The following DLG2 variants were observed in gnomAD, a reference collection of about 807,000 sequenced individuals.
The protein encoded by DLG2 is disks large homolog 2.
Under a neutral mutation model 132.5 loss-of-function variants are expected in DLG2, and 45 were observed. The observed-to-expected ratio is 0.34, with a 90% confidence interval of 0.27 to 0.44. The LOEUF is 0.44. Among genes scored for constraint, DLG2 ranks in the 20% least tolerant of loss-of-function variants. DLG2 has a pLI of 1.00. For synonymous variants in DLG2, 424 were observed against 419.6 expected (o/e 1.01, Z -0.13); for missense variants, 1,045 against 1,196.9 (o/e 0.87, Z 1.87).
chr11:83,778,606 T>C (rs949051246), intron 18 of DLG2, among the ~76,000 whole-genome samples: 15 of 152,130 alleles, frequency 9.9e-5, no homozygotes, highest in Admixed American at 2.6e-4. Context: ...TTTAACCCCT[T>C]TGATATGAGT....
chr11:84,742,540 C>G (rs541436113), intron 6 of DLG2, among the ~76,000 whole-genome samples: 2 of 152,150 alleles, frequency 1.3e-5, no homozygotes, highest in Non-Finnish European at 2.9e-5. Context: ...GAGAAAGGTA[C>G]AGAGATATCC....
chr11:83,984,513 T>G (rs2093087753), intron 11 of DLG2, among the ~76,000 whole-genome samples: 1 of 152,132 alleles, frequency 6.6e-6, no homozygotes, highest in African/African-American at 2.4e-5. Flanking sequence ...CATTGAGAAT[T>G]TATGTTTATT....
intron 15 of DLG2, among the ~76,000 whole-genome samples, chr11:83,880,337 T>C (rs981003863): frequency 6.6e-6 from 1 of 152,128 alleles, no homozygotes; most frequent in Non-Finnish European, 1.5e-5. Context: ...GTGAAGAATA[T>C]TAATAAATGC....
intron 6 of DLG2, among the ~76,000 whole-genome samples, chr11:84,595,391 G>T (rs117555391): frequency 4.0e-5 from 6 of 151,784 alleles, no homozygotes; most frequent in Non-Finnish European, 8.8e-5. Flanking sequence ...GAGATTACAG[G>T]CATGAGCCAC....
intron 5 of DLG2, among the ~76,000 whole-genome samples, chr11:85,128,173 C>T (rs1304805810): frequency 6.6e-6 from 1 of 152,060 alleles, no homozygotes; most frequent in African/African-American, 2.4e-5. Context: ...CCTTTATTAA[C>T]AAATTATAGC....
chr11:85,482,526 G>C (rs72953934), intron 3 of DLG2, among the ~76,000 whole-genome samples: 1 of 152,076 alleles, frequency 6.6e-6, no homozygotes, highest in South Asian at 2.1e-4. Context: ...ACTCAATCTG[G>C]TTCCTTGTCC....
chr11:85,452,242 GT>G (rs34009765), intron 3 of DLG2: 1,565 of 145,784 alleles, frequency 0.011, 20 homozygotes, highest in African/African-American at 0.034. Flanking sequence ...ACAGGTAGTT[GT>G]TTTTTTTTTT....
chr11:84,081,802 A>G (rs1027673526), intron 10 of DLG2, among the ~76,000 whole-genome samples: 2 of 152,238 alleles, frequency 1.3e-5, no homozygotes, highest in Non-Finnish European at 2.9e-5. Flanking sequence ...TCTTTATAGT[A>G]GCATGATTTA....
intron 7 of DLG2, among the ~76,000 whole-genome samples, chr11:84,410,977 T>C (rs1044253267): frequency 4.6e-5 from 7 of 152,332 alleles, no homozygotes; most frequent in African/African-American, 1.4e-4. Context: ...TTCCTGTTCA[T>C]TGTGCTTTAA....
chr11:84,811,128 AG>A (rs1359781976), intron 6 of DLG2, among the ~76,000 whole-genome samples: 3 of 152,196 alleles, frequency 2.0e-5, no homozygotes, highest in Non-Finnish European at 4.4e-5. Context: ...GTGAATGTAT[AG>A]GTATCTCAAA....
rs746460630 is a variant in DLG2 at position 84,017,958 on chromosome 11, G to A, written c.920-37316C>T. 2.0e-5 allele frequency among the ~76,000 whole-genome samples: 3 copies of A among 151,736 alleles called. No homozygotes were observed. In the South Asian group the frequency reaches 6.2e-4, roughly 31 times the overall value. Reference sequence around the variant, plus strand: ...TGGTTCTCTATTTTATAATGCATTTGTTTTCTCTTACTGCTTTTATTTTAT... The same window carrying A: ...TGGTTCTCTATTTTATAATGCATTTATTTTCTCTTACTGCTTTTATTTTAT... On this transcript the variant is annotated intron_variant, in intron 11 of 27. Coordinates refer to ENST00000376104, the MANE Select transcript of DLG2 (RefSeq NM_001142699.3).
At chr11:84,541,370 G>A (rs78126017) in intron 6 of DLG2, among the ~76,000 whole-genome samples, 1,543 of 151,746 alleles carry the variant, frequency 0.01, 23 homozygotes, top group African/African-American at 0.034. Context: ...CCCCGTCCCC[G>A]TTCTGAAGCT....
intron 8 of DLG2, among the ~76,000 whole-genome samples, chr11:84,180,750 C>A (rs1257556600): frequency 2.0e-5 from 3 of 151,930 alleles, no homozygotes; most frequent in Admixed American, 2.0e-4. Flanking sequence ...AGAAACCATG[C>A]AAACTGGAAG....
intron 6 of DLG2, among the ~76,000 whole-genome samples, chr11:84,859,026 T>G (rs979061351): frequency 6.6e-6 from 1 of 151,986 alleles, no homozygotes; most frequent in African/African-American, 2.4e-5. Context: ...ACGCTTCATC[T>G]TTTTATACCT....
chr11:83,826,501 T>C (rs1204783409), intron 17 of DLG2, among the ~76,000 whole-genome samples: 4 of 152,178 alleles, frequency 2.6e-5, no homozygotes, highest in African/African-American at 9.7e-5. Flanking sequence ...GAAGAGTCAA[T>C]GTGTCTAGAT....
intron 17 of DLG2, among the ~76,000 whole-genome samples, chr11:83,806,135 A>G (rs937625246): frequency 2.0e-5 from 3 of 152,008 alleles, no homozygotes; most frequent in African/African-American, 7.2e-5. Flanking sequence ...GTCAGGTTCT[A>G]TCTTCCCAGA....
intron 6 of DLG2, among the ~76,000 whole-genome samples, chr11:84,820,073 A>T (rs1020530964): frequency 2.7e-5 from 4 of 150,784 alleles, no homozygotes; most frequent in African/African-American, 9.8e-5. Context: ...TGGATTTAAA[A>T]GCACAGAGAT....
rs1827597 is a variant in DLG2, at chr11:85,611,017, G to A, written c.-92-12229C>T. ...GAAACAGCCTTCAAAACCTTAAAGC[G>A]GGCCCTAGTACAACTCCAGCTTTAA... On this transcript the variant is annotated intron_variant, in intron 2 of 27. Transcript: ENST00000376104. Among the ~76,000 whole-genome samples the A allele has an allele frequency of 3.6e-3, 545 of 152,202 alleles. 1 individual carries two copies. The highest frequency in any genetic ancestry group is 0.013 in the African/African-American group (522 of 41,526).
chr11:84,273,388 A>C, intron 7 of DLG2: 1 of 1,278,592 alleles, frequency 7.8e-7, no homozygotes, highest in Non-Finnish European at 1.0e-6. Context: ...CTGCTATCTT[A>C]AGACTTAAAA....
Sources: gnomAD v4.1 joint callset for allele counts (sites outside exome capture counted in the v4.1 genomes callset) on GRCh38, gnomAD v4.1.1 for gene constraint, MANE v1.5 for transcripts, NCBI Gene and HGNC (gene_info 2026-07-23, HGNC 2026-07-21) for gene names.